The following TMTC4 variants were observed in gnomAD, a reference collection of about 807,000 sequenced individuals.
TMTC4 encodes the protein transmembrane O-mannosyltransferase targeting cadherins 4.
TMTC4 carries 65 observed loss-of-function variants against 86.0 expected under a neutral mutation model. That is an observed-to-expected ratio of 0.76 (90% CI 0.62 to 0.93). The LOEUF (loss-of-function observed/expected upper bound fraction) is 0.93, where lower values mean the gene tolerates loss of function less well. Ranked by LOEUF, TMTC4 falls within the 40% of genes least tolerant of loss-of-function variation. TMTC4 has a pLI of 0.00. For missense variants in TMTC4, 866 were observed against 948.1 expected, an observed-to-expected ratio of 0.91 and a Z score of 1.14; for synonymous variants, 379 against 382.5, an observed-to-expected ratio of 0.99 and a Z score of 0.11.
rs867907257 is a variant in TMTC4, at chr13:100,626,004, G to T, written c.1586+67C>A. ...AAAGTTGGGGTCTTTAAAGGAACAGGTGTTTCATATTAGAAAGTGAAAACG... is the reference window on the plus strand; with the variant it reads ...AAAGTTGGGGTCTTTAAAGGAACAGTTGTTTCATATTAGAAAGTGAAAACG... On this transcript the variant is annotated intron_variant, in intron 13 of 18. Transcript: ENST00000342624. 3.0e-4 allele frequency: 481 copies of T among 1,601,450 alleles called. 1 individual carries two copies. The highest frequency in any genetic ancestry group is 2.7e-3 in the Middle Eastern group (16 of 6,012).
chr13:100,612,279 G>C, intron 17 of TMTC4, 119 bp downstream of exon 17: 1 of 753,750 alleles, frequency 1.3e-6, no homozygotes, highest in Non-Finnish European at 2.1e-6. Context: ...AAGCCACATT[G>C]GTGCACCACT....
intron 15 of TMTC4, among the ~76,000 whole-genome samples, chr13:100,618,178 CT>C (rs1878810576): frequency 6.6e-6 from 1 of 152,142 alleles, no homozygotes; most frequent in Non-Finnish European, 1.5e-5. Flanking sequence ...CTTTTGTACA[CT>C]GACTTTGTAT....
rs758768814 is a variant in TMTC4 at position 100,636,754 on chromosome 13, CAAACATCT to C, written c.1000-28_1000-21del. The C allele has an allele frequency of 4.8e-5, 77 of 1,613,034 alleles. No homozygotes were observed. The South Asian group carries it at 8.5e-4, about 18-fold the overall frequency. On this transcript the variant is annotated intron_variant, in intron 9 of 18. Transcript: ENST00000342624. ...TACGGCCTGCCAGTCAAAAGGAGAA[CAAACATCT>C]ATTTGATACTGAACTTAAAAAACAC...
intron 12 of TMTC4, among the ~76,000 whole-genome samples, chr13:100,629,572 G>A (rs1025811164): frequency 1.3e-5 from 2 of 152,076 alleles, no homozygotes; most frequent in Non-Finnish European, 2.9e-5. Context: ...TACAGTGCTG[G>A]GGGAAGATGA....
intron 15 of TMTC4, among the ~76,000 whole-genome samples, chr13:100,617,285 C>T (rs559942187): frequency 1.3e-5 from 2 of 152,292 alleles, no homozygotes; most frequent in East Asian, 1.9e-4. Flanking sequence ...CAGGCACATA[C>T]CACGATGCCC....
intron 1 of TMTC4, among the ~76,000 whole-genome samples, chr13:100,673,028 G>A (rs552073374): frequency 1.9e-4 from 29 of 152,300 alleles, no homozygotes; most frequent in Non-Finnish European, 4.1e-4. Flanking sequence ...AATGAAGTCA[G>A]TGTTCTGCTC....
intron 6 of TMTC4, among the ~76,000 whole-genome samples, chr13:100,655,319 G>A (rs1884969284): frequency 6.6e-6 from 1 of 152,100 alleles, no homozygotes. Context: ...CACCGCACCA[G>A]GCCCACAACT....
intron 17 of TMTC4, among the ~76,000 whole-genome samples, chr13:100,611,170 A>C (rs181550468): frequency 6.6e-6 from 1 of 152,370 alleles, no homozygotes; most frequent in African/African-American, 2.4e-5. Flanking sequence ...GGTCTTATAC[A>C]TAGGCTGAGT....
Position 100,663,605 on chromosome 13 carries a change from CA to C in TMTC4, c.336-426del. 2.0e-5 allele frequency among the ~76,000 whole-genome samples: 3 copies of C among 152,322 alleles called. 1 individual carries two copies. In the South Asian group the frequency reaches 6.2e-4, roughly 32 times the overall value. On this transcript the variant is annotated intron_variant, in intron 4 of 18. Coordinates refer to ENST00000342624, the MANE Select transcript of TMTC4 (RefSeq NM_032813.5). ...TATCCTCCAAAAAAGGGCTCCTCATCAGTATGCCCACCAGCCTTCCCCCAAC... is the reference window on the plus strand; with the variant it reads ...TATCCTCCAAAAAAGGGCTCCTCATCGTATGCCCACCAGCCTTCCCCCAAC...
At chr13:100,621,726 AAAG>A (rs1179711717) in intron 15 of TMTC4, among the ~76,000 whole-genome samples, 9 of 152,170 alleles carry the variant, frequency 5.9e-5, no homozygotes, top group Non-Finnish European at 1.0e-4. Flanking sequence ...CGCCCAACCA[AAAG>A]AAGAATTCTT....
At chr13:100,614,773 A>G (rs1366643771) in intron 15 of TMTC4, 6 of 315,428 alleles carry the variant, frequency 1.9e-5, no homozygotes, top group Non-Finnish European at 2.8e-5. Flanking sequence ...TAGTGATTTT[A>G]GGAATCAAAT....
chr13:100,674,858 C>A (rs1887664824), upstream of TMTC4: 1 of 974,496 alleles, frequency 1.0e-6, no homozygotes, highest in Non-Finnish European at 1.2e-6. Flanking sequence ...GCACCCGACC[C>A]CCCCCGCGCC....
chr13:100,610,371 C>T (rs1035956678), intron 17 of TMTC4, among the ~76,000 whole-genome samples: 12 of 152,198 alleles, frequency 7.9e-5, no homozygotes, highest in Non-Finnish European at 1.6e-4. Flanking sequence ...ATCATTTTTG[C>T]ATTAGAAGAG....
chr13:100,655,454 G>A (rs986556122), intron 6 of TMTC4, among the ~76,000 whole-genome samples: 3 of 152,194 alleles, frequency 2.0e-5, no homozygotes, highest in African/African-American at 7.2e-5. Flanking sequence ...AACGTTAACA[G>A]TGAGGTAGTG....
chr13:100,673,105 C>T (rs1441025387), intron 1 of TMTC4, among the ~76,000 whole-genome samples: 3 of 152,192 alleles, frequency 2.0e-5, no homozygotes, highest in Non-Finnish European at 4.4e-5. Flanking sequence ...ACAAAGCAGA[C>T]GTCCCTTTAT....
intron 16 of TMTC4, 89 bp from the exon 17 acceptor site, chr13:100,612,599 C>G: frequency 8.2e-6 from 7 of 854,156 alleles, no homozygotes; most frequent in Non-Finnish European, 1.3e-5. Context: ...TTTATGTGCA[C>G]AGCACATGAC....
chr13:100,641,220 A>T (rs978875283), intron 7 of TMTC4, among the ~76,000 whole-genome samples: 2 of 152,248 alleles, frequency 1.3e-5, no homozygotes, highest in African/African-American at 4.8e-5. Context: ...CTCTGAGAAC[A>T]AAGTCCCACT....
chr13:100,614,817 C>T, intron 15 of TMTC4: 1 of 566,942 alleles, frequency 1.8e-6, no homozygotes. Flanking sequence ...TGAAGAAAGC[C>T]TCATCATTAG....
Position 100,656,542 on chromosome 13 carries a change from C to CTTTTTTTTTT in TMTC4, c.553-84_553-75dup, listed in dbSNP as rs35563246. The CTTTTTTTTTT allele has an allele frequency of 1.0e-3, 390 of 385,790 alleles. 4 individuals carry two copies. Among genetic ancestry groups the CTTTTTTTTTT allele is most frequent in the South Asian group, 2.9e-3 (93 of 31,572 alleles). 23.9% of individuals were successfully genotyped at this position (385,790 alleles called of 1,614,324 possible). A position where few individuals can be genotyped will look rare whatever the true frequency, so the allele number is the denominator to read the frequency against. Reference sequence around the variant, plus strand: ...GAAATCCTAAACTTAGGAGACATAACTTTTTTTTTTTTTTTTTTGCGACAG... The same window carrying CTTTTTTTTTT: ...GAAATCCTAAACTTAGGAGACATAACTTTTTTTTTTTTTTTTTTTTTTTTTTTTGCGACAG... On this transcript the variant is annotated intron_variant, in intron 5 of 18. Transcript: ENST00000342624.
Sources: gnomAD v4.1 joint callset for allele counts (sites outside exome capture counted in the v4.1 genomes callset) on GRCh38, gnomAD v4.1.1 for gene constraint, MANE v1.5 for transcripts, NCBI Gene and HGNC (gene_info 2026-07-23, HGNC 2026-07-21) for gene names.